The following MARCHF5 variants were observed in gnomAD, a reference collection of about 807,000 sequenced individuals.
MARCHF5 encodes E3 ubiquitin-protein ligase MARCHF5.
MARCHF5 carries 5 observed loss-of-function variants against 36.5 expected under a neutral mutation model. The observed-to-expected ratio is 0.14, with a 90% CI of 0.07 to 0.29. MARCHF5 has a LOEUF of 0.29. Among genes scored for constraint, MARCHF5 ranks in the 10% least tolerant of loss-of-function variants. MARCHF5 has a pLI of 1.00. For synonymous variants in MARCHF5, 103 were observed against 109.9 expected, an observed-to-expected ratio of 0.94 and a Z score of 0.39; for missense variants, 179 against 336.3, an observed-to-expected ratio of 0.53 and a Z score of 3.66.
intron 2 of MARCHF5, among the ~76,000 whole-genome samples, chr10:92,340,328 A>G (rs1288999232): frequency 6.6e-6 from 1 of 152,266 alleles, no homozygotes; most frequent in Admixed American, 6.5e-5. Context: ...CGTGCAAATG[A>G]CTGAGAAATT....
At chr10:92,340,567 G>A (rs1191236561) in intron 2 of MARCHF5, 106 bp from the exon 3 acceptor site, 5 of 1,056,092 alleles carry the variant, frequency 4.7e-6, no homozygotes, top group African/African-American at 1.6e-5. Flanking sequence ...GTGAGACCCT[G>A]TGTCTTGTTG....
rs1297238486 is a variant in MARCHF5 at position 92,304,354 on chromosome 10, A to G, written c.36-6781A>G. ...TTAATCACATGTTTAATCTTTTACA[A>G]TAGGGGACCTTAACATAAAACATTT... is the stretch of plus-strand genomic sequence containing the variant. On this transcript the variant is annotated intron_variant, in intron 1 of 5. Coordinates refer to ENST00000358935, the MANE Select transcript of MARCHF5 (RefSeq NM_017824.5). 5.9e-5 allele frequency among the ~76,000 whole-genome samples: 9 copies of G among 152,212 alleles called. No individual in the cohort carries two copies. In the East Asian group the frequency reaches 1.2e-3, roughly 19 times the overall value.
In MARCHF5 at chr10:92,305,175, T is replaced by C. The variant is rs185658969; in HGVS notation, c.36-5960T>C. On this transcript the variant is annotated intron_variant, in intron 1 of 5. Coordinates refer to ENST00000358935, the MANE Select transcript of MARCHF5 (RefSeq NM_017824.5). Reference sequence around the variant, plus strand: ...GGTAATCCCAGCACTTTGGGAGGCCTAAGCAGGCAGATCACAAGGTCAGGA... The same window carrying C: ...GGTAATCCCAGCACTTTGGGAGGCCCAAGCAGGCAGATCACAAGGTCAGGA... Among the ~76,000 whole-genome samples, 5 of 152,212 alleles carry C rather than the reference T, an allele frequency of 3.3e-5. No homozygotes were observed. In the East Asian group the frequency reaches 9.7e-4, roughly 29 times the overall value.
At chr10:92,292,157 G>A (rs919504934) in intron 1 of MARCHF5, among the ~76,000 whole-genome samples, 6 of 151,880 alleles carry the variant, frequency 4.0e-5, no homozygotes, top group Non-Finnish European at 8.8e-5. Flanking sequence ...TAGTGTACTT[G>A]ACGATCGTTG....
intron 1 of MARCHF5, among the ~76,000 whole-genome samples, chr10:92,299,348 G>A (rs1003990715): frequency 3.3e-5 from 5 of 152,020 alleles, no homozygotes; most frequent in East Asian, 1.9e-4. Context: ...ACGGGGTAAC[G>A]TGCTTTGATC....
At chr10:92,327,275 C>G (rs1397873735) in intron 2 of MARCHF5, among the ~76,000 whole-genome samples, 1 of 148,474 alleles carries the variant, frequency 6.7e-6, no homozygotes, top group Non-Finnish European at 1.5e-5. Flanking sequence ...AGCAGTATAT[C>G]GTAGATACCA....
At chr10:92,324,034 T>C (rs1742316787) in intron 2 of MARCHF5, among the ~76,000 whole-genome samples, 1 of 152,234 alleles carries the variant, frequency 6.6e-6, no homozygotes, top group Non-Finnish European at 1.5e-5. Context: ...CAGCAATGGA[T>C]GGGAGTTCCT....
At chr10:92,347,832 G>C (rs1426491481) in intron 3 of MARCHF5, among the ~76,000 whole-genome samples, 1 of 152,142 alleles carries the variant, frequency 6.6e-6, no homozygotes, top group Non-Finnish European at 1.5e-5. Flanking sequence ...AATTAACCAA[G>C]TGGAAATCTG....
At position 92,345,330 on chromosome 10, in the gene MARCHF5, A is replaced by G. The variant is rs541755049; in HGVS notation, c.370-4019A>G. The stretch of plus-strand genomic sequence containing the variant: ...GTTGGAGACCAGCCTGGTCAACATG[A>G]TGAAACCCCATCTCTACCAAAAATA... On this transcript the variant is annotated intron_variant, in intron 3 of 5. Transcript: ENST00000358935. Among the ~76,000 whole-genome samples the G allele has an allele frequency of 4.6e-5, 7 of 152,186 alleles. No individual in the cohort carries two copies. The South Asian group carries it at 1.5e-3, about 32-fold the overall frequency.
chr10:92,310,090 A>G (rs1352455482), intron 1 of MARCHF5, among the ~76,000 whole-genome samples: 3 of 152,202 alleles, frequency 2.0e-5, no homozygotes, highest in Admixed American at 6.5e-5. Flanking sequence ...ATTGAAATTC[A>G]TGTTGTTCCA....
chr10:92,319,362 C>T (rs1279871347), intron 2 of MARCHF5, among the ~76,000 whole-genome samples: 2 of 148,372 alleles, frequency 1.3e-5, no homozygotes, highest in African/African-American at 2.5e-5. Context: ...GTGGCGCGAT[C>T]TCGACTCACT....
At chr10:92,317,517 GTTTTC>G (rs760978422) in intron 2 of MARCHF5, among the ~76,000 whole-genome samples, 130 of 151,872 alleles carry the variant, frequency 8.6e-4, no homozygotes, top group Middle Eastern at 3.4e-3. Context: ...AAATGGAATT[GTTTTC>G]TTAACTTTGT....
intron 2 of MARCHF5, among the ~76,000 whole-genome samples, chr10:92,339,692 T>C (rs1843552934): frequency 1.3e-5 from 2 of 151,978 alleles, no homozygotes; most frequent in Non-Finnish European, 1.5e-5. Flanking sequence ...AAATAATAAA[T>C]AAATAAACTT....
At chr10:92,338,384 G>A (rs1261307884) in intron 2 of MARCHF5, among the ~76,000 whole-genome samples, 1 of 152,162 alleles carries the variant, frequency 6.6e-6, no homozygotes, top group Non-Finnish European at 1.5e-5. Flanking sequence ...TATATTCTGA[G>A]ATTAAATAAT....
chr10:92,311,201 G>T lies in MARCHF5; in HGVS notation c.102G>T (p.Arg34Ser). 1 of 1,614,132 alleles carries T rather than the reference G, an allele frequency of 6.2e-7. No homozygotes were observed. The highest frequency in any genetic ancestry group is 8.5e-7 in the Non-Finnish European group (1 of 1,179,998). ...DRTAEWVRPC[R>S]CRGSTKWVHQ... Reference sequence around the variant, plus strand: ...CAGCTGAATGGGTGAGACCATGCAGGTGCAGAGGATCTACAAAATGGGTTC... The same window carrying T: ...CAGCTGAATGGGTGAGACCATGCAGTTGCAGAGGATCTACAAAATGGGTTC... The change falls in exon 2 of 6, where the codon AGG becomes AGT. Residue 34 changes from arginine (R) to serine (S), a missense_variant. Physicochemically the swap from Arg to Ser is moderately radical, Grantham distance 110. Around this residue, in one of 3 missense-constraint regions of MARCHF5, gnomAD observed 66 missense variants for 180.5 expected, o/e 0.37. Transcript: ENST00000358935.
intron 1 of MARCHF5, among the ~76,000 whole-genome samples, chr10:92,302,446 TTC>T (rs1177835918): frequency 1.8e-5 from 1 of 55,906 alleles, no homozygotes; most frequent in Non-Finnish European, 3.3e-5. Context: ...TTCTTTTTTT[TTC>T]TTTTTTTTTT....
chr10:92,333,914 G>T (rs971486344), intron 2 of MARCHF5, among the ~76,000 whole-genome samples: 2 of 152,196 alleles, frequency 1.3e-5, no homozygotes, highest in African/African-American at 4.8e-5. Context: ...TGAGGGCCGG[G>T]TGCAGTGCCT....
chr10:92,294,945 G>A (rs536006977), intron 1 of MARCHF5, among the ~76,000 whole-genome samples: 3 of 152,230 alleles, frequency 2.0e-5, no homozygotes, highest in Admixed American at 1.3e-4. Context: ...AAGCTGAGGT[G>A]GAAGGATTCC....
chr10:92,349,716 T>C lies in MARCHF5; in HGVS notation c.599T>C (p.Leu200Ser), dbSNP rs1843696112. 1 of 1,614,214 alleles carries C rather than the reference T, an allele frequency of 6.2e-7. No homozygotes were observed. ...CGAATTCCAGCTGAGGCCAATCCTT[T>C]AGCAGATCATGTCTCTGCTACTCGA... ...VPRIPAEANP[L>S]ADHVSATRIL... is the part of the protein sequence containing the mutation. Residue 200 changes from leucine (L) to serine (S), a missense_variant, in exon 5 of 6, where the codon TTA (leucine) becomes TCA (serine). By Grantham distance (145) the Leu-to-Ser change is moderately radical. This residue lies in a region of MARCHF5 where 95 missense variants were observed against 139.5 expected (regional missense o/e 0.68). Transcript: ENST00000358935.
Sources: allele counts gnomAD v4.1 joint callset (sites outside exome capture counted in the v4.1 genomes callset), GRCh38; gene constraint gnomAD v4.1.1; regional missense constraint gnomAD v4.1.1; transcripts MANE v1.5; gene names NCBI Gene and HGNC (gene_info 2026-07-23, HGNC 2026-07-21).